SLTM: variants seen among roughly 807,000 people sequenced by gnomAD.
The protein encoded by SLTM is SAFB-like transcription modulator.
Under a neutral mutation model 134.6 loss-of-function variants are expected in SLTM, and 43 were observed. The observed-to-expected ratio is 0.32, with a 90% CI of 0.25 to 0.41. SLTM has a LOEUF of 0.41. Among genes scored for constraint, SLTM ranks in the 10% least tolerant of loss-of-function variants. The pLI is 1.00. For synonymous variants in SLTM, 424 were observed against 432.3 expected (o/e 0.98, Z 0.24); for missense variants, 1,055 against 1,288.8 (o/e 0.82, Z 2.78).
chr15:58,922,604 T>A (rs1219086491), intron 2 of SLTM, among the ~76,000 whole-genome samples: 1 of 146,416 alleles, frequency 6.8e-6, no homozygotes, highest in Non-Finnish European at 1.5e-5. Context: ...ATTATATACG[T>A]ATAAAATATA....
intron 1 of SLTM, among the ~76,000 whole-genome samples, chr15:58,932,943 T>A (rs2037984142): frequency 1.3e-5 from 2 of 152,164 alleles, no homozygotes; most frequent in South Asian, 2.1e-4. Flanking sequence ...CCACTACCAA[T>A]TCCCCCTCAA....
At chr15:58,923,044 A>T (rs1231160730) in intron 2 of SLTM, among the ~76,000 whole-genome samples, 1 of 152,114 alleles carries the variant, frequency 6.6e-6, no homozygotes, top group Non-Finnish European at 1.5e-5. Context: ...CTGATAATGG[A>T]GTAAGTCCTA....
At chr15:58,915,886 G>C (rs1171454627) in intron 3 of SLTM, among the ~76,000 whole-genome samples, 1 of 151,910 alleles carries the variant, frequency 6.6e-6, no homozygotes, top group Non-Finnish European at 1.5e-5. Context: ...TATAATTCAA[G>C]AGGAACTATA....
rs1323746641 is a variant in SLTM at position 58,933,678 on chromosome 15, A to T, written c.-113T>A. ...CCGGCGCCGCGCAGCGCTGCGCACA[A>T]TGAGCCGCTGGCCCCTCCCCCGGTC... On this transcript the variant is annotated 5_prime_UTR_variant, in exon 1 of 21. The change creates a new upstream start codon in the 5' untranslated region. Transcript: ENST00000380516. 7.7e-7 allele frequency: 1 copy of T among 1,301,518 alleles called. No individual in the cohort carries two copies. The highest frequency in any genetic ancestry group is 9.8e-7 in the Non-Finnish European group (1 of 1,025,458). The allele number at this position is 1,301,518 out of a possible 1,614,324, so 80.6% of individuals were successfully genotyped here.
intron 13 of SLTM, 72 bp from the exon 14 acceptor site, chr15:58,893,132 C>A: frequency 2.0e-6 from 3 of 1,468,618 alleles, no homozygotes; most frequent in South Asian, 2.6e-5. Flanking sequence ...TTTAGTAGGT[C>A]ATTTAAAAAG....
Position 58,888,522 on chromosome 15 carries a change from C to A in SLTM, c.2238G>T (p.Lys746Asn), listed in dbSNP as rs747150719. ...RDDPYWSENK[K>N]LSLDTDARFG... ...ATCGTGCATCTGTATCTAGAGACAACTTTTTATTCTCGCTCCAGTAAGGAT... is the reference window on the plus strand; with the variant it reads ...ATCGTGCATCTGTATCTAGAGACAAATTTTTATTCTCGCTCCAGTAAGGAT... The change falls in exon 17 of 21, where the codon AAG (lysine) becomes AAT (asparagine). Residue 746 changes from lysine (K) to asparagine (N), a missense_variant. Transcript: ENST00000380516. 1 of 1,613,942 alleles carries A rather than the reference C, an allele frequency of 6.2e-7. No homozygotes were observed. Among genetic ancestry groups the A allele is most frequent in the Non-Finnish European group, 8.5e-7 (1 of 1,179,994 alleles).
chr15:58,924,646 G>A (rs2037334815), intron 2 of SLTM, among the ~76,000 whole-genome samples: 1 of 152,112 alleles, frequency 6.6e-6, no homozygotes, highest in Non-Finnish European at 1.5e-5. Flanking sequence ...TTTTGTATTT[G>A]AGAATTCTGA....
chr15:58,899,794 C>A lies in SLTM; in HGVS notation c.733G>T (p.Val245Phe), dbSNP rs1410681765. 1 of 1,614,126 alleles carries A rather than the reference C, an allele frequency of 6.2e-7. No homozygotes were observed. Among genetic ancestry groups the A allele is most frequent in the Admixed American group, 1.7e-5 (1 of 60,002 alleles). ...VKEAEDDNIS[V>F]TIQAEDAITL... ...ATGGCATCTTCAGCCTGGATTGTGA[C>A]CGAGATGTTGTCATCCTCAGCTTCT... The change falls in exon 7 of 21, where the codon GTC becomes TTC. Residue 245 changes from valine to phenylalanine, a missense_variant. By Grantham distance (50) the Val-to-Phe change is conservative. Transcript: ENST00000380516. This position sits in a 1 kb window ranked among gnomAD's most constrained non-coding sequence, Gnocchi z 5.0.
intron 5 of SLTM, among the ~76,000 whole-genome samples, chr15:58,906,823 GAACT>G (rs770234846): frequency 2.0e-4 from 30 of 152,292 alleles, no homozygotes; most frequent in Admixed American, 2.6e-4. Flanking sequence ...TGGAAAGACT[GAACT>G]AACTGCTTGA....
chr15:58,917,788 C>T (rs1221110994), intron 2 of SLTM, among the ~76,000 whole-genome samples: 4 of 152,078 alleles, frequency 2.6e-5, no homozygotes, highest in Non-Finnish European at 4.4e-5. Flanking sequence ...CGCACTCTGT[C>T]GCCCAGGCTG....
intron 20 of SLTM, among the ~76,000 whole-genome samples, chr15:58,881,021 C>CA (rs2033655570): frequency 6.6e-6 from 1 of 151,530 alleles, no homozygotes; most frequent in Non-Finnish European, 1.5e-5. Flanking sequence ...CCTCCCCCGA[C>CA]AAAAAACCTT....
At chr15:58,901,843 A>G (rs1439775407) in intron 5 of SLTM, among the ~76,000 whole-genome samples, 1 of 152,098 alleles carries the variant, frequency 6.6e-6, no homozygotes, top group Non-Finnish European at 1.5e-5. Flanking sequence ...AAGTGAGTTC[A>G]TATCAACCAC....
At chr15:58,923,001 C>T (rs930851385) in intron 2 of SLTM, among the ~76,000 whole-genome samples, 2 of 152,116 alleles carry the variant, frequency 1.3e-5, no homozygotes, top group South Asian at 2.1e-4. Flanking sequence ...CAGAGGTGAG[C>T]CACTGCACCT....
chr15:58,894,721 TTG>T, intron 9 of SLTM, 139 bp from the exon 10 acceptor site: 1 of 822,894 alleles, frequency 1.2e-6, no homozygotes, highest in Non-Finnish European at 1.8e-6. Flanking sequence ...TTTTTTTTTT[TTG>T]AGATGGAGTC....
At chr15:58,931,537 T>C (rs1055123693) in intron 2 of SLTM, among the ~76,000 whole-genome samples, 14 of 152,180 alleles carry the variant, frequency 9.2e-5, no homozygotes, top group African/African-American at 3.4e-4. Context: ...TGCATGAAAA[T>C]TGTAGGTAAA....
chr15:58,926,246 G>A (rs879731603), intron 2 of SLTM, among the ~76,000 whole-genome samples: 2 of 152,054 alleles, frequency 1.3e-5, no homozygotes, highest in African/African-American at 2.4e-5. Flanking sequence ...GAATATAGAC[G>A]GAAGGTTATT....
At chr15:58,901,630 G>A (rs971401396) in intron 5 of SLTM, among the ~76,000 whole-genome samples, 4 of 152,108 alleles carry the variant, frequency 2.6e-5, no homozygotes, top group African/African-American at 9.7e-5. Context: ...CGTATTTTAC[G>A]TCACTCAGTT....
Position 58,880,023 on chromosome 15 carries a change from C to A in SLTM, c.3081G>T (p.Lys1027Asn). ...RGSGSGFKPF[K>N]GGPPRRF The stretch of plus-strand genomic sequence containing the variant: ...TTCAGAATCGTCGCGGAGGTCCACC[C>A]TTAAATGGCTTAAATCCGGAGCCAC... Residue 1027 changes from lysine to asparagine, a missense_variant, in exon 21 of 21, where the codon AAG becomes AAT. Lys to Asn is a moderately conservative substitution (Grantham distance 94, BLOSUM62 0). Coordinates refer to ENST00000380516, the MANE Select transcript of SLTM (RefSeq NM_024755.4). 1 of 1,614,072 alleles carries A rather than the reference C, an allele frequency of 6.2e-7. No homozygotes were observed. Among genetic ancestry groups the A allele is most frequent in the Non-Finnish European group, 8.5e-7 (1 of 1,179,992 alleles).
chr15:58,894,111 T>A lies in SLTM; in HGVS notation c.1460A>T (p.Asn487Ile). 6.3e-7 allele frequency: 1 copy of A among 1,586,092 alleles called. No homozygotes were observed. ...SSSRSSGDKK[N>I]TSDRSSKTQA... Reference sequence around the variant, plus strand: ...TTACTTGCTACTTCTATCACTCGTATTTTTTTTATCTCCAGAACTTCTTGA... The same window carrying A: ...TTACTTGCTACTTCTATCACTCGTAATTTTTTTATCTCCAGAACTTCTTGA... Residue 487 changes from asparagine (N) to isoleucine (I), a missense_variant, in exon 11 of 21, where the codon AAT becomes ATT. By Grantham distance (149) the Asn-to-Ile change is moderately radical. This residue lies in a region of SLTM where 776 missense variants were observed against 962.2 expected (regional missense o/e 0.81). Transcript: ENST00000380516.
Sources: allele counts gnomAD v4.1 joint callset (sites outside exome capture counted in the v4.1 genomes callset), GRCh38; gene constraint gnomAD v4.1.1; regional missense constraint gnomAD v4.1.1; non-coding constraint Gnocchi (gnomAD v3.1); transcripts MANE v1.5; gene names NCBI Gene and HGNC (gene_info 2026-07-23, HGNC 2026-07-21).